SGCZ: variants seen among roughly 807,000 people sequenced by gnomAD.
The protein encoded by SGCZ is zeta-sarcoglycan.
A neutral mutation model predicts 41.3 loss-of-function variants in SGCZ; 40 were observed. That is an observed-to-expected ratio of 0.97 (90% CI 0.75 to 1.26). SGCZ has a LOEUF of 1.26. Ranked by LOEUF, SGCZ falls within the 50% of genes most tolerant of loss-of-function variation. The pLI is 0.00. For synonymous variants in SGCZ, 206 were observed against 137.5 expected, an observed-to-expected ratio of 1.50 and a Z score of -3.49; for missense variants, 552 against 369.8, an observed-to-expected ratio of 1.49 and a Z score of -4.04.
intron 1 of SGCZ, among the ~76,000 whole-genome samples, chr8:15,234,647 G>A (rs1236634639): frequency 6.6e-6 from 1 of 152,162 alleles, no homozygotes; most frequent in Non-Finnish European, 1.5e-5. Context: ...GATAATGGCA[G>A]CAATAGCTTA....
rs377362605 is a variant in SGCZ, at chr8:15,144,933, C to T, written c.39+92652G>A. Among the ~76,000 whole-genome samples the T allele has an allele frequency of 6.6e-5, 10 of 152,300 alleles. No homozygotes were observed. In the East Asian group the frequency reaches 1.2e-3, roughly 18 times the overall value. The stretch of plus-strand genomic sequence containing the variant: ...TTCCATCTGCTGCTTTTATTCTCTT[C>T]AGTCACTATGTGATTTCACAAAACA... On this transcript the variant is annotated intron_variant, in intron 1 of 7. Coordinates refer to ENST00000382080, the MANE Select transcript of SGCZ (RefSeq NM_139167.4).
chr8:14,777,273 G>A (rs1311762579), intron 1 of SGCZ, among the ~76,000 whole-genome samples: 2 of 152,022 alleles, frequency 1.3e-5, no homozygotes, highest in Non-Finnish European at 2.9e-5. Flanking sequence ...ATATTATTCT[G>A]AAGCCATAAT....
chr8:14,794,531 T>C (rs1801062157), intron 1 of SGCZ, among the ~76,000 whole-genome samples: 1 of 152,088 alleles, frequency 6.6e-6, no homozygotes, highest in East Asian at 1.9e-4. Context: ...AAATGTAATA[T>C]ATGAGAAAAG....
At chr8:14,475,483 T>G (rs961935454) in intron 2 of SGCZ, among the ~76,000 whole-genome samples, 1 of 152,198 alleles carries the variant, frequency 6.6e-6, no homozygotes, top group African/African-American at 2.4e-5. Context: ...CAGTGATTGT[T>G]ATTAAAGCAA....
chr8:14,840,419 T>C (rs1802862255), intron 1 of SGCZ, among the ~76,000 whole-genome samples: 1 of 152,166 alleles, frequency 6.6e-6, no homozygotes, highest in African/African-American at 2.4e-5. Flanking sequence ...ACGTTTCAGT[T>C]GTAATAATAC....
chr8:14,431,171 C>A (rs1424718139), intron 2 of SGCZ, among the ~76,000 whole-genome samples: 1 of 152,036 alleles, frequency 6.6e-6, no homozygotes, highest in East Asian at 1.9e-4. Context: ...CCATTCTTCA[C>A]ATAATGAGGA....
chr8:15,124,726 T>A (rs1807614104), intron 1 of SGCZ, among the ~76,000 whole-genome samples: 1 of 152,168 alleles, frequency 6.6e-6, no homozygotes, highest in African/African-American at 2.4e-5. Context: ...TTATGAGGTC[T>A]AAATACTGGC....
intron 1 of SGCZ, among the ~76,000 whole-genome samples, chr8:14,853,093 T>C (rs1206156687): frequency 6.6e-6 from 1 of 152,232 alleles, no homozygotes; most frequent in East Asian, 1.9e-4. Flanking sequence ...GCAGCATTCA[T>C]ATTTGAAGAA....
chr8:14,800,343 T>A (rs940179049), intron 1 of SGCZ, among the ~76,000 whole-genome samples: 1 of 152,156 alleles, frequency 6.6e-6, no homozygotes, highest in Non-Finnish European at 1.5e-5. Context: ...ATACTATAGA[T>A]AGAGCAAAAA....
At chr8:15,059,520 G>A (rs529978829) in intron 1 of SGCZ, among the ~76,000 whole-genome samples, 15 of 152,120 alleles carry the variant, frequency 9.9e-5, no homozygotes, top group South Asian at 2.1e-4. Context: ...GAATTCAGTC[G>A]TAGATTACAT....
chr8:14,389,591 A>C (rs1480696875), intron 2 of SGCZ, among the ~76,000 whole-genome samples: 2 of 151,942 alleles, frequency 1.3e-5, no homozygotes, highest in Non-Finnish European at 2.9e-5. Flanking sequence ...GTGAAAAATA[A>C]AGATCGTCTT....
intron 1 of SGCZ, among the ~76,000 whole-genome samples, chr8:15,124,135 G>C (rs1807588592): frequency 1.3e-5 from 2 of 152,182 alleles, no homozygotes; most frequent in African/African-American, 2.4e-5. Flanking sequence ...GAATGAATGA[G>C]GTAGAGAGGG....
chr8:14,720,836 T>C (rs1809860292), intron 1 of SGCZ, among the ~76,000 whole-genome samples: 1 of 152,124 alleles, frequency 6.6e-6, no homozygotes, highest in African/African-American at 2.4e-5. Flanking sequence ...TGTTTACATA[T>C]TATGTACCAA....
intron 1 of SGCZ, among the ~76,000 whole-genome samples, chr8:14,747,323 C>T (rs995872653): frequency 1.3e-5 from 2 of 152,176 alleles, no homozygotes; most frequent in Non-Finnish European, 2.9e-5. Flanking sequence ...GCCCTCAACA[C>T]AACACAGTGG....
At chr8:14,694,117 A>G (rs1808885988) in intron 1 of SGCZ, among the ~76,000 whole-genome samples, 2 of 152,206 alleles carry the variant, frequency 1.3e-5, no homozygotes, top group African/African-American at 4.8e-5. Flanking sequence ...TTGATTGAAT[A>G]TAATATGTAT....
At chr8:14,305,203 C>G (rs566616188) in intron 3 of SGCZ, among the ~76,000 whole-genome samples, 1 of 152,076 alleles carries the variant, frequency 6.6e-6, no homozygotes, top group African/African-American at 2.4e-5. Flanking sequence ...AACAAATAAT[C>G]TACCAATATA....
At chr8:14,489,317 C>T (rs1025666114) in intron 2 of SGCZ, among the ~76,000 whole-genome samples, 4 of 151,768 alleles carry the variant, frequency 2.6e-5, no homozygotes, top group Non-Finnish European at 5.9e-5. Flanking sequence ...CTTTCGGTGG[C>T]CACAAAATTA....
rs903448315 is a variant in SGCZ at position 14,981,111 on chromosome 8, T to C, written c.39+256474A>G. The stretch of plus-strand genomic sequence containing the variant: ...AAATCTCCTACCAACTCATATTTGC[T>C]GTGGAATAGAGCACATTCCCTTAGC... On this transcript the variant is annotated intron_variant, in intron 1 of 7. Coordinates refer to ENST00000382080, the MANE Select transcript of SGCZ (RefSeq NM_139167.4). Among the ~76,000 whole-genome samples the C allele has an allele frequency of 3.9e-5, 6 of 152,318 alleles. No homozygotes were observed. In the East Asian group the frequency reaches 7.7e-4, roughly 20 times the overall value.
chr8:15,143,279 A>T (rs1227242845), intron 1 of SGCZ, among the ~76,000 whole-genome samples: 1 of 152,214 alleles, frequency 6.6e-6, no homozygotes, highest in Non-Finnish European at 1.5e-5. Flanking sequence ...ATATCGGTTT[A>T]TCATTCTACC....
Sources: gnomAD v4.1 joint callset for allele counts (sites outside exome capture counted in the v4.1 genomes callset) on GRCh38, gnomAD v4.1.1 for gene constraint, MANE v1.5 for transcripts, NCBI Gene and HGNC (gene_info 2026-07-23, HGNC 2026-07-21) for gene names.